The following OR11A1 variants were observed in gnomAD, a reference collection of about 807,000 sequenced individuals.
OR11A1 encodes the protein olfactory receptor family 11 subfamily A member 1.
For synonymous variants in OR11A1, 158 were observed against 152.2 expected, an observed-to-expected ratio of 1.04 and a Z score of -0.28; for missense variants, 380 against 378.2, an observed-to-expected ratio of 1.00 and a Z score of -0.04.
chr6:29,440,279 G>A lies in OR11A1; in HGVS notation c.-388-8292C>T, dbSNP rs1196000458. 3 of 1,613,856 alleles carry A rather than the reference G, an allele frequency of 1.9e-6. No homozygotes were observed. The Admixed American group carries it at 5.0e-5, about 27-fold the overall frequency. On this transcript the variant is annotated intron_variant, in intron 1 of 4. Coordinates refer to ENST00000377149, the MANE Select transcript of OR11A1 (RefSeq NM_001394828.1). ...TACTTCACCACCTCCTTACTGGCCG[G>A]CGCCACATCTCTCGCTCTGGATGTG...
intron 1 of OR11A1, among the ~76,000 whole-genome samples, chr6:29,452,237 T>G (rs941813627): frequency 2.0e-5 from 3 of 152,242 alleles, no homozygotes; most frequent in Admixed American, 6.5e-5. Context: ...CTGTGCTCAC[T>G]ACCTAGGTGA....
intron 1 of OR11A1, among the ~76,000 whole-genome samples, chr6:29,435,236 CT>C (rs1181873202): frequency 6.6e-6 from 1 of 152,206 alleles, no homozygotes; most frequent in East Asian, 1.9e-4. Flanking sequence ...TCAGTCAGCT[CT>C]CACAGAGCAG....
At chr6:29,433,332 A>G (rs895313516) in intron 1 of OR11A1, among the ~76,000 whole-genome samples, 5 of 151,856 alleles carry the variant, frequency 3.3e-5, no homozygotes, top group African/African-American at 1.2e-4. Context: ...TATCTTCTCA[A>G]TTTTCTCCCT....
rs559374189 is a variant in OR11A1, at chr6:29,453,767, T to C, written c.-389+3220A>G. Among the ~76,000 whole-genome samples, 3 of 152,248 alleles carry C rather than the reference T, an allele frequency of 2.0e-5. No individual in the cohort carries two copies. The East Asian group carries it at 5.8e-4, about 29-fold the overall frequency. ...ACTACAGGTATGTACAGAAGAAACA[T>C]GAGAGAAACCAGCATGAAGTAAAAT... is the stretch of plus-strand genomic sequence containing the variant. On this transcript the variant is annotated intron_variant, in intron 1 of 4. Coordinates refer to ENST00000377149, the MANE Select transcript of OR11A1 (RefSeq NM_001394828.1). The surrounding 1 kb of genome is among the most constrained non-coding windows in gnomAD (Gnocchi z 4.5).
intron 1 of OR11A1, among the ~76,000 whole-genome samples, chr6:29,452,623 G>A (rs1023343520): frequency 6.6e-6 from 1 of 151,754 alleles, no homozygotes; most frequent in Non-Finnish European, 1.5e-5. Flanking sequence ...CAAATGTGAA[G>A]AGAAAAAAAA....
intron 1 of OR11A1, among the ~76,000 whole-genome samples, chr6:29,437,817 C>T (rs1171085821): frequency 1.3e-5 from 2 of 152,244 alleles, no homozygotes; most frequent in African/African-American, 4.8e-5. Context: ...ATGGCATCAT[C>T]TTCAGCCATA....
rs752473902 is a variant in OR11A1 at position 29,427,174 on chromosome 6, T to C, written c.468A>G (p.Val156=). 11 of 1,613,104 alleles carry C rather than the reference T, an allele frequency of 6.8e-6. No individual in the cohort carries two copies. Among genetic ancestry groups the C allele is most frequent in the South Asian group, 2.2e-5 (2 of 91,080 alleles). ...CCACCAGGGCCACAACCAGTCCATC[T>C]ACCACAAATCCAGAGAGCCAGGTTG... is the stretch of plus-strand genomic sequence containing the variant. ...VVTTWLSGFV[V]DGLVVALVAQ... Residue 156 remains valine (V), a synonymous_variant, in exon 5 of 5, where the codon GTA becomes GTG. Coordinates refer to ENST00000377149, the MANE Select transcript of OR11A1 (RefSeq NM_001394828.1).
Position 29,455,063 on chromosome 6 carries a change from T to C in OR11A1, c.-389+1924A>G, listed in dbSNP as rs573158330. Among the ~76,000 whole-genome samples the C allele has an allele frequency of 3.3e-5, 5 of 152,244 alleles. No individual in the cohort carries two copies. The South Asian group carries it at 1.0e-3, about 32-fold the overall frequency. On this transcript the variant is annotated intron_variant, in intron 1 of 4. Transcript: ENST00000377149. ...ACATATAAGCTAGAAATTAAAAGCT[T>C]CTAAAGAAGAACATAAAAGAAAATA...
chr6:29,433,742 C>T (rs1783421985), intron 1 of OR11A1, among the ~76,000 whole-genome samples: 1 of 151,854 alleles, frequency 6.6e-6, no homozygotes, highest in Admixed American at 6.6e-5. Flanking sequence ...CAGAATTTTT[C>T]AGAAACCTCC....
At position 29,427,517 on chromosome 6, in the gene OR11A1, ATGAT is replaced by A. The variant is rs1561770338; in HGVS notation, c.121_124del (p.Ile41Ter). ...TGCTACAATAATCAGCATATTCCCT[ATGAT>A]GATGAAGACATAGACAGCAGTGAAT... On this transcript the variant is annotated frameshift_variant, in exon 5 of 5. Coordinates refer to ENST00000377149, the MANE Select transcript of OR11A1 (RefSeq NM_001394828.1). LOFTEE classifies it low-confidence loss of function (END_TRUNC). 2 of 1,613,064 alleles carry A rather than the reference ATGAT, an allele frequency of 1.2e-6. No homozygotes were observed. The highest frequency in any genetic ancestry group is 1.7e-6 in the Non-Finnish European group (2 of 1,179,990).
chr6:29,447,151 G>T (rs1784853750), intron 1 of OR11A1, among the ~76,000 whole-genome samples: 1 of 152,082 alleles, frequency 6.6e-6, no homozygotes, highest in Non-Finnish European at 1.5e-5. Context: ...ATAAGATCCT[G>T]GTCTAGTTCT....
intron 1 of OR11A1, among the ~76,000 whole-genome samples, chr6:29,446,716 T>C (rs1305105292): frequency 1.3e-5 from 2 of 152,158 alleles, no homozygotes; most frequent in Non-Finnish European, 2.9e-5. Context: ...TCCCATTTGC[T>C]TCAACCTCAG....
At chr6:29,451,497 G>GA (rs931796395) in intron 1 of OR11A1, among the ~76,000 whole-genome samples, 4 of 151,514 alleles carry the variant, frequency 2.6e-5, no homozygotes, top group Admixed American at 6.6e-5. Context: ...AACTTAAAGA[G>GA]AAAAAAAATT....
rs550052766 is a variant in OR11A1, at chr6:29,427,118, A to T, written c.524T>A (p.Ile175Asn). The change falls in exon 5 of 5, where the codon ATT becomes AAT. Residue 175 changes from isoleucine (I) to asparagine (N), a missense_variant. Coordinates refer to ENST00000377149, the MANE Select transcript of OR11A1 (RefSeq NM_001394828.1). ...AQLRFCGPNH[I>N]DQFYCDFMLF... ...CATAAAGTCACAGTAAAACTGGTCA[A>T]TGTGGTTGGGGCCACAGAACCTCAG... 6.2e-7 allele frequency: 1 copy of T among 1,612,980 alleles called. No homozygotes were observed. Among genetic ancestry groups the T allele is most frequent in the Non-Finnish European group, 8.5e-7 (1 of 1,180,004 alleles).
At position 29,427,585 on chromosome 6, in the gene OR11A1, G is replaced by C. The variant is rs1782927868; in HGVS notation, c.57C>G (p.Phe19Leu). The C allele has an allele frequency of 1.2e-6, 2 of 1,612,844 alleles. No homozygotes were observed. The highest frequency in any genetic ancestry group is 2.2e-5 in the South Asian group (2 of 91,048). The stretch of plus-strand genomic sequence containing the variant: ...AGAAATGCAGTTCAGGGATGTCATA[G>C]AAGCCAAGGAGGACAAATTCAGTAA... Reference protein sequence around the residue: ...ETITEFVLLGFYDIPELHFLF... With the variant: ...ETITEFVLLGLYDIPELHFLF... The change falls in exon 5 of 5, where the codon TTC (phenylalanine) becomes TTG (leucine). Residue 19 changes from phenylalanine (F) to leucine (L), a missense_variant. Transcript: ENST00000377149.
intron 1 of OR11A1, among the ~76,000 whole-genome samples, chr6:29,441,329 T>C (rs11968684): frequency 0.039 from 5,947 of 152,262 alleles, 274 homozygotes; most frequent in African/African-American, 0.11. Flanking sequence ...GGTAAGGCAT[T>C]TGTTTCTTGG....
chr6:29,446,765 G>A (rs1475073337), intron 1 of OR11A1, among the ~76,000 whole-genome samples: 1 of 152,178 alleles, frequency 6.6e-6, no homozygotes, highest in African/African-American at 2.4e-5. Flanking sequence ...ATACCAGTCA[G>A]TGACCAAGCC....
intron 3 of OR11A1, among the ~76,000 whole-genome samples, chr6:29,429,887 C>T (rs566760072): frequency 3.9e-4 from 59 of 152,216 alleles, no homozygotes; most frequent in Admixed American, 1.5e-3. Flanking sequence ...CAAGGCACAG[C>T]TGAAGGCTTT....
At chr6:29,446,710 A>C (rs986128766) in intron 1 of OR11A1, among the ~76,000 whole-genome samples, 1 of 152,138 alleles carries the variant, frequency 6.6e-6, no homozygotes, top group African/African-American at 2.4e-5. Context: ...TCTCTCTCCC[A>C]TTTGCTTCAA....
Sources: allele counts gnomAD v4.1 joint callset (sites outside exome capture counted in the v4.1 genomes callset), GRCh38; gene constraint gnomAD v4.1.1; non-coding constraint Gnocchi (gnomAD v3.1); transcripts MANE v1.5; gene names NCBI Gene and HGNC (gene_info 2026-07-23, HGNC 2026-07-21).